Variants in HIRA observed in about 807,000 individuals in gnomAD.
HIRA encodes the protein histone cell cycle regulator.
In HIRA, 13 loss-of-function variants were observed where a neutral mutation model predicts 126.6. The observed-to-expected ratio is 0.10, with a 90% CI of 0.07 to 0.16. The LOEUF (loss-of-function observed/expected upper bound fraction) is 0.16. HIRA is among the 10% of genes least tolerant of loss of function. The probability of loss-of-function intolerance (pLI) is 1.00; values close to 1 mark genes in which losing one functional copy is unlikely to be tolerated. For missense variants in HIRA, 834 were observed against 1,314.4 expected (o/e 0.63, Z 5.65); for synonymous variants, 511 against 520.0 (o/e 0.98, Z 0.24).
chr22:19,371,405 A>C (rs2088963343), intron 15 of HIRA, among the ~76,000 whole-genome samples: 1 of 152,012 alleles, frequency 6.6e-6, no homozygotes, highest in Non-Finnish European at 1.5e-5. Flanking sequence ...TTTCTTTTCT[A>C]AAAGTATTTT....
chr22:19,388,646 T>C, intron 9 of HIRA, 92 bp from the exon 10 acceptor site: 3 of 918,508 alleles, frequency 3.3e-6, no homozygotes, highest in Non-Finnish European at 5.3e-6. Context: ...GAAGCCTGGG[T>C]CAAAGTGGCT....
At chr22:19,388,774 G>A (rs1033652031) in intron 9 of HIRA, among the ~76,000 whole-genome samples, 4 of 152,214 alleles carry the variant, frequency 2.6e-5, no homozygotes, top group African/African-American at 9.7e-5. Flanking sequence ...TGCCTCCAGG[G>A]CTTGCTGTGG....
At chr22:19,349,107 T>A (rs549923148) in intron 24 of HIRA, among the ~76,000 whole-genome samples, 14 of 151,398 alleles carry the variant, frequency 9.2e-5, no homozygotes, top group Admixed American at 2.6e-4. Flanking sequence ...TACTTTTTTT[T>A]AAATTTTCCT....
Position 19,405,862 on chromosome 22 carries a change from G to A in HIRA, c.321C>T (p.Thr107=), listed in dbSNP as rs765138797. The change falls in exon 5 of 25, where the codon ACC becomes ACT. Residue 107 remains threonine (T), a synonymous_variant. Transcript: ENST00000263208. Reference sequence around the variant, plus strand: ...CAAGCTTACCACTGGAGCCGAACACGGTGCTGGGGCCGATGTACCTGTGTG... The same window carrying A: ...CAAGCTTACCACTGGAGCCGAACACAGTGCTGGGGCCGATGTACCTGTGTG... ...WKRATYIGPS[T]VFGSSGKLAN... 8.6e-6 allele frequency: 13 copies of A among 1,503,366 alleles called. No individual in the cohort carries two copies. Among genetic ancestry groups the A allele is most frequent in the African/African-American group, 2.8e-5 (2 of 70,368 alleles). The allele number at this position is 1,503,366 out of a possible 1,614,324, so 93.1% of individuals were successfully genotyped here. A position where few individuals can be genotyped will look rare whatever the true frequency, so the allele number is the denominator to read the frequency against.
chr22:19,362,083 G>T, intron 15 of HIRA, 152 bp from the exon 16 acceptor site: 1 of 693,812 alleles, frequency 1.4e-6, no homozygotes, highest in African/African-American at 1.8e-5. Flanking sequence ...GAGAAATAAT[G>T]ACTTTGTCAG....
chr22:19,408,679 T>C, intron 2 of HIRA, 86 bp from the exon 3 acceptor site: 1 of 737,606 alleles, frequency 1.4e-6, no homozygotes, highest in Non-Finnish European at 2.4e-6. Context: ...TTAGGAGAAG[T>C]CCTCACTTAG....
intron 9 of HIRA, among the ~76,000 whole-genome samples, chr22:19,390,919 C>T (rs779157968): frequency 3.3e-5 from 5 of 151,964 alleles, no homozygotes; most frequent in Admixed American, 1.3e-4. Flanking sequence ...GTATCAGTTC[C>T]AGCTTATCAT....
rs1172707703 is a variant in HIRA at position 19,375,728 on chromosome 22, C to T, written c.1678G>A (p.Glu560Lys). 19 of 1,613,964 alleles carry T rather than the reference C, an allele frequency of 1.2e-5. No individual in the cohort carries two copies. The highest frequency in any genetic ancestry group is 3.3e-5 in the Admixed American group (2 of 60,000). Residue 560 changes from glutamate to lysine, a missense_variant, in exon 15 of 25, where the codon GAA becomes AAA. Physicochemically the swap from Glu to Lys is moderately conservative, Grantham distance 56 (BLOSUM62 1). Coordinates refer to ENST00000263208, the MANE Select transcript of HIRA (RefSeq NM_003325.4). The part of the protein sequence containing the change: ...PSVLTTPSKI[E>K]PMKAFDSRFT... Reference sequence around the variant, plus strand: ...CGGGAGTCAAACGCTTTCATGGGTTCGATCTTGGACGGGGTCGTTAACACA... The same window carrying T: ...CGGGAGTCAAACGCTTTCATGGGTTTGATCTTGGACGGGGTCGTTAACACA...
At chr22:19,376,797 G>A (rs562173998) in intron 14 of HIRA, among the ~76,000 whole-genome samples, 3 of 152,306 alleles carry the variant, frequency 2.0e-5, no homozygotes, top group South Asian at 4.1e-4. Context: ...TTGCTCTGAC[G>A]GTATCAGCTG....
chr22:19,357,084 G>C, intron 18 of HIRA, 33 bp from the exon 19 acceptor site: 3 of 1,611,316 alleles, frequency 1.9e-6, no homozygotes, highest in Non-Finnish European at 2.5e-6. Flanking sequence ...GGTGTCATGG[G>C]GGCTGAGTGC....
Position 19,385,701 on chromosome 22 carries a change from T to G in HIRA, c.1149A>C (p.Leu383=). Residue 383 remains leucine (L), a synonymous_variant, in exon 12 of 25, where the codon CTA becomes CTC. Coordinates refer to ENST00000263208, the MANE Select transcript of HIRA (RefSeq NM_003325.4). ...AGAGCTGGGCCTCGGTCATGATGGC[T>G]AGGCTCTTGCCATAGGTGGACTGGT... ...RIHQSTYGKS[L]AIMTEAQLST... is the part of the protein sequence containing the mutation. The G allele has an allele frequency of 6.2e-7, 1 of 1,614,026 alleles. No individual in the cohort carries two copies. The highest frequency in any genetic ancestry group is 8.5e-7 in the Non-Finnish European group (1 of 1,179,956).
chr22:19,346,170 C>T (rs919575883), intron 24 of HIRA, among the ~76,000 whole-genome samples: 3 of 152,118 alleles, frequency 2.0e-5, no homozygotes, highest in Non-Finnish European at 2.9e-5. Flanking sequence ...GCTATATTTT[C>T]CCAGTTATTT....
At chr22:19,404,714 A>AC (rs779396583) in intron 5 of HIRA, among the ~76,000 whole-genome samples, 1 of 151,600 alleles carries the variant, frequency 6.6e-6, no homozygotes, top group Non-Finnish European at 1.5e-5. Context: ...TTCTTCCCCT[A>AC]CCCCTCAAGC....
chr22:19,401,920 G>C (rs376781944), intron 5 of HIRA, among the ~76,000 whole-genome samples: 115 of 152,290 alleles, frequency 7.6e-4, no homozygotes, highest in African/African-American at 2.6e-3. Context: ...CTTGCTCAGA[G>C]AAGAGCCTCT....
At chr22:19,379,524 C>T (rs994724839) in intron 13 of HIRA, among the ~76,000 whole-genome samples, 7 of 150,062 alleles carry the variant, frequency 4.7e-5, no homozygotes, top group African/African-American at 1.7e-4. Context: ...ACTTGGGAGG[C>T]TGAGGCAGGA....
intron 15 of HIRA, among the ~76,000 whole-genome samples, chr22:19,366,847 G>A (rs1445551874): frequency 6.6e-6 from 1 of 152,134 alleles, no homozygotes; most frequent in Non-Finnish European, 1.5e-5. Context: ...TGCAACCTCC[G>A]CCTCCTGGGC....
chr22:19,414,651 T>C (rs771817270), intron 1 of HIRA, among the ~76,000 whole-genome samples: 4 of 152,234 alleles, frequency 2.6e-5, no homozygotes, highest in Non-Finnish European at 5.9e-5. Context: ...TTTTAACCAA[T>C]GTTGACAAAT....
At chr22:19,386,469 G>A (rs2089128469) in intron 11 of HIRA, among the ~76,000 whole-genome samples, 1 of 152,248 alleles carries the variant, frequency 6.6e-6, no homozygotes, top group Non-Finnish European at 1.5e-5. Context: ...CAGGGACTGT[G>A]GTTAACAGGA....
intron 24 of HIRA, among the ~76,000 whole-genome samples, chr22:19,341,448 CAAAAAA>C (rs55996019): frequency 2.3e-4 from 25 of 107,854 alleles, no homozygotes; most frequent in Admixed American, 4.0e-4. Flanking sequence ...GACCCTGTTT[CAAAAAA>C]AAAAAAAAAA....
Sources: gnomAD v4.1 joint callset for allele counts (sites outside exome capture counted in the v4.1 genomes callset) on GRCh38, gnomAD v4.1.1 for gene constraint, MANE v1.5 for transcripts, NCBI Gene and HGNC (gene_info 2026-07-23, HGNC 2026-07-21) for gene names.